The following GRIN2B variants were observed in gnomAD, a reference collection of about 807,000 sequenced individuals.
GRIN2B encodes glutamate ionotropic receptor NMDA type subunit 2B, also known as glutamate receptor ionotropic, NMDA 2B.
In GRIN2B, 5 loss-of-function variants were observed where a neutral mutation model predicts 114.5. The ratio of observed to expected loss-of-function variants is 0.04; its 90% CI spans 0.02 to 0.09. The LOEUF (loss-of-function observed/expected upper bound fraction) is 0.09, where lower values mean the gene tolerates loss of function less well. Ranked by LOEUF, GRIN2B falls within the 10% of genes least tolerant of loss-of-function variation. The pLI is 1.00. For synonymous variants in GRIN2B, 787 were observed against 745.1 expected (o/e 1.06, Z -0.92); for missense variants, 1,108 against 1,943.5 (o/e 0.57, Z 8.08).
chr12:13,907,494 G>GAA (rs36064040), intron 2 of GRIN2B, among the ~76,000 whole-genome samples: 49 of 130,006 alleles, frequency 3.8e-4, no homozygotes, highest in Middle Eastern at 4.3e-3. Flanking sequence ...TCTGTCTCAG[G>GAA]AAAAAAAAAA....
At chr12:13,752,497 T>C (rs558234204) in intron 4 of GRIN2B, among the ~76,000 whole-genome samples, 2 of 152,342 alleles carry the variant, frequency 1.3e-5, no homozygotes, top group Admixed American at 6.5e-5. Context: ...CACACTTCTT[T>C]ATGTTCTATT....
At chr12:13,882,039 C>G (rs1866079143) in intron 2 of GRIN2B, among the ~76,000 whole-genome samples, 1 of 152,200 alleles carries the variant, frequency 6.6e-6, no homozygotes, top group African/African-American at 2.4e-5. Flanking sequence ...TACACCAACT[C>G]TCTAAACTGC....
chr12:13,885,566 C>T (rs573493415), intron 2 of GRIN2B, among the ~76,000 whole-genome samples: 334 of 152,292 alleles, frequency 2.2e-3, no homozygotes, highest in Non-Finnish European at 3.9e-3. Context: ...CTGCCCCTGC[C>T]TATAATCCAA....
chr12:13,884,558 G>T (rs1866122901), intron 2 of GRIN2B, among the ~76,000 whole-genome samples: 1 of 151,966 alleles, frequency 6.6e-6, no homozygotes, highest in South Asian at 2.1e-4. Flanking sequence ...TGTTGCCTGG[G>T]AGTAATGATA....
At chr12:13,660,336 C>G (rs2300237) in intron 5 of GRIN2B, among the ~76,000 whole-genome samples, 11,136 of 152,140 alleles carry the variant, frequency 0.073, 554 homozygotes, top group East Asian at 0.17. Context: ...ATTTTCTTAA[C>G]CCCTCTGTTA....
chr12:13,930,877 TG>T (rs1371872461), intron 2 of GRIN2B, among the ~76,000 whole-genome samples: 4 of 152,230 alleles, frequency 2.6e-5, no homozygotes, highest in African/African-American at 9.6e-5. Flanking sequence ...GTGGAGAATT[TG>T]CTTTGAAATA....
At chr12:13,957,898 A>G (rs1867619311) in intron 2 of GRIN2B, among the ~76,000 whole-genome samples, 1 of 152,190 alleles carries the variant, frequency 6.6e-6, no homozygotes, top group Admixed American at 6.5e-5. Context: ...TGACAAATAT[A>G]AGGACATAAC....
At chr12:13,686,434 C>A (rs1950174754) in intron 4 of GRIN2B, among the ~76,000 whole-genome samples, 1 of 152,048 alleles carries the variant, frequency 6.6e-6, no homozygotes, top group Non-Finnish European at 1.5e-5. Flanking sequence ...TGTGTGGGGG[C>A]TAGAACTCTG....
intron 4 of GRIN2B, among the ~76,000 whole-genome samples, chr12:13,690,680 C>G (rs1449569534): frequency 6.6e-6 from 1 of 152,060 alleles, no homozygotes; most frequent in East Asian, 1.9e-4. Flanking sequence ...TTGGAGAGAG[C>G]TGACACAGGA....
intron 3 of GRIN2B, among the ~76,000 whole-genome samples, chr12:13,778,463 T>C (rs915439734): frequency 3.9e-5 from 6 of 152,182 alleles, no homozygotes; most frequent in Admixed American, 2.0e-4. Context: ...GAAGCCAGCC[T>C]TAGGGAGGGG....
chr12:13,684,615 CATA>C (rs1950160962), intron 4 of GRIN2B, among the ~76,000 whole-genome samples: 1 of 152,176 alleles, frequency 6.6e-6, no homozygotes, highest in African/African-American at 2.4e-5. Flanking sequence ...AGCTTTTCTG[CATA>C]ATGTTACTGT....
intron 11 of GRIN2B, 111 bp downstream of exon 11, chr12:13,571,689 CTTCT>C (rs2136415486): frequency 2.7e-6 from 3 of 1,124,130 alleles, no homozygotes; most frequent in East Asian, 4.7e-5. Flanking sequence ...CAAATGAAGT[CTTCT>C]TTAACATTTT....
rs1217628345 is a variant in GRIN2B at position 13,916,757 on chromosome 12, G to GTGTGTGTA, written c.-18-50532_-18-50531insTACACACA. ...CACATTTGTGTGTGTGTGTGTGTGT[G>GTGTGTGTA]TGTATTTTAATCCTCAATGTACGCC... On this transcript the variant is annotated intron_variant, in intron 2 of 13. Transcript: ENST00000609686. Among the ~76,000 whole-genome samples, 456 of 149,286 alleles carry GTGTGTGTA rather than the reference G, an allele frequency of 3.1e-3. 2 individuals carry two copies. The highest frequency in any genetic ancestry group is 0.01 in the African/African-American group (419 of 40,816).
At chr12:13,803,555 A>G (rs1445012952) in intron 3 of GRIN2B, among the ~76,000 whole-genome samples, 1 of 152,136 alleles carries the variant, frequency 6.6e-6, no homozygotes, top group Admixed American at 6.6e-5. Context: ...CTAGAATTTC[A>G]TTTTTTAAAA....
intron 4 of GRIN2B, among the ~76,000 whole-genome samples, chr12:13,728,732 G>A (rs1266254625): frequency 1.3e-5 from 2 of 152,182 alleles, no homozygotes; most frequent in African/African-American, 4.8e-5. Context: ...TAGATGGATG[G>A]ATGGAAGGAT....
intron 2 of GRIN2B, among the ~76,000 whole-genome samples, chr12:13,932,085 C>T (rs1186467309): frequency 6.6e-6 from 1 of 152,168 alleles, no homozygotes; most frequent in Non-Finnish European, 1.5e-5. Flanking sequence ...GCCTGAAAGG[C>T]CCTCATGATT....
chr12:13,906,593 G>A (rs1008881079), intron 2 of GRIN2B, among the ~76,000 whole-genome samples: 1 of 152,168 alleles, frequency 6.6e-6, no homozygotes. Context: ...GTGTAAGAAA[G>A]AGAGAAAAAG....
chr12:13,883,811 T>G (rs796890274), intron 2 of GRIN2B, among the ~76,000 whole-genome samples: 4 of 152,294 alleles, frequency 2.6e-5, no homozygotes, highest in African/African-American at 9.6e-5. Flanking sequence ...TAATTAATTT[T>G]TTCTTTTATA....
At chr12:13,830,832 G>T (rs1475837750) in intron 3 of GRIN2B, among the ~76,000 whole-genome samples, 1 of 152,166 alleles carries the variant, frequency 6.6e-6, no homozygotes, top group Non-Finnish European at 1.5e-5. Flanking sequence ...AAATCTCAAT[G>T]CATATAACAT....
Sources: gnomAD v4.1 joint callset for allele counts (sites outside exome capture counted in the v4.1 genomes callset) on GRCh38, gnomAD v4.1.1 for gene constraint, MANE v1.5 for transcripts, NCBI Gene and HGNC (gene_info 2026-07-23, HGNC 2026-07-21) for gene names.